Variants in CD163L1 observed in about 807,000 individuals in gnomAD.
CD163L1 encodes the protein CD163 molecule like 1.
CD163L1 carries 124 observed loss-of-function variants against 165.4 expected under a neutral mutation model. The observed-to-expected ratio is 0.75, with a 90% CI of 0.65 to 0.87. The LOEUF (loss-of-function observed/expected upper bound fraction) is 0.87. Ranked by LOEUF, CD163L1 falls within the 40% of genes least tolerant of loss-of-function variation. The pLI, the probability that CD163L1 is intolerant of heterozygous loss-of-function variation, is 0.00. For missense variants in CD163L1, 1,525 were observed against 1,799.9 expected (o/e 0.85, Z 2.76); for synonymous variants, 585 against 662.2 (o/e 0.88, Z 1.79).
At chr12:7,330,733 T>C in the CD163L1 span, among the ~76,000 whole-genome samples, 5 of 152,320 alleles carry the variant, frequency 3.3e-5, no homozygotes, top group East Asian at 5.8e-4. Flanking sequence ...ATAGCAAGAT[T>C]TGAGAGTTGT....
intron 18 of CD163L1, among the ~76,000 whole-genome samples, chr12:7,362,416 T>C (rs1468490885): frequency 7.3e-6 from 1 of 137,536 alleles, no homozygotes; most frequent in African/African-American, 2.7e-5. Flanking sequence ...ATATAGTATG[T>C]TATTTATATC....
chr12:7,386,604 C>CAAAAAAAAAA (rs71067187), intron 8 of CD163L1, among the ~76,000 whole-genome samples: 3 of 117,474 alleles, frequency 2.6e-5, no homozygotes, highest in East Asian at 2.4e-4. Flanking sequence ...GTCAACATAT[C>CAAAAAAAAAA]AAAAAAAAAA....
At chr12:7,414,972 G>C (rs1948208705) in intron 4 of CD163L1, among the ~76,000 whole-genome samples, 1 of 152,016 alleles carries the variant, frequency 6.6e-6, no homozygotes, top group Non-Finnish European at 1.5e-5. Context: ...AATTTCAATT[G>C]AAATAAAAGA....
chr12:7,421,356 T>C (rs1484291587), intron 4 of CD163L1, among the ~76,000 whole-genome samples: 1 of 105,078 alleles, frequency 9.5e-6, no homozygotes, highest in Non-Finnish European at 1.9e-5. Flanking sequence ...TGTATATATA[T>C]GTGTATATAT....
the CD163L1 span, among the ~76,000 whole-genome samples, chr12:7,329,912 C>G: frequency 1.3e-5 from 2 of 152,182 alleles, no homozygotes; most frequent in Non-Finnish European, 2.9e-5. Context: ...TCTGCAGCAG[C>G]TTTCACAAAG....
intron 4 of CD163L1, 151 bp from the exon 5 acceptor site, chr12:7,407,003 T>C: frequency 1.4e-6 from 1 of 732,644 alleles, no homozygotes; most frequent in Admixed American, 2.9e-5. Flanking sequence ...TGTACAAGTT[T>C]AATGTAATAG....
At chr12:7,364,683 T>C (rs1200988877) in intron 18 of CD163L1, among the ~76,000 whole-genome samples, 1 of 151,986 alleles carries the variant, frequency 6.6e-6, no homozygotes, top group Non-Finnish European at 1.5e-5. Context: ...GCAATCCAAT[T>C]TGCAATAGCT....
In CD163L1 at chr12:7,403,786, AT is replaced by A; in HGVS notation, c.1156del (p.Ile386PhefsTer25). ...ACATATTGTCCACCACTGTTCATGA[AT>A]TCTCACCTCTACTCTCCCTGAACAA... Reference protein sequence around the residue: ...NNCSGRVEVRIHEQWWTICDQ... With the variant: ...NNCSGRVEVRXHEQWWTICDQ... On this transcript the variant is annotated frameshift_variant, in exon 6 of 20. Coordinates refer to ENST00000313599, the MANE Select transcript of CD163L1 (RefSeq NM_174941.6). LOFTEE classifies it high-confidence loss of function. The A allele has an allele frequency of 6.2e-7, 1 of 1,613,610 alleles. No individual in the cohort carries two copies. Among genetic ancestry groups the A allele is most frequent in the South Asian group, 1.1e-5 (1 of 91,072 alleles).
chr12:7,411,213 G>A (rs958955285), intron 4 of CD163L1, among the ~76,000 whole-genome samples: 4 of 152,038 alleles, frequency 2.6e-5, no homozygotes, highest in South Asian at 2.1e-4. Flanking sequence ...GATATTGCTC[G>A]TTTCCTTTTT....
chr12:7,386,190 C>T (rs78163868), intron 8 of CD163L1, among the ~76,000 whole-genome samples: 3,779 of 151,936 alleles, frequency 0.025, 92 homozygotes, highest in African/African-American at 0.065. Context: ...ATATGAGCAA[C>T]GATACACTCA....
At chr12:7,438,900 G>C (rs1041076064) in intron 2 of CD163L1, 1 of 1,599,088 alleles carries the variant, frequency 6.3e-7, no homozygotes. Flanking sequence ...CCTCTGTCTT[G>C]ATTCCTCTGC....
intron 4 of CD163L1, among the ~76,000 whole-genome samples, chr12:7,408,898 G>A (rs981808755): frequency 1.3e-5 from 2 of 152,146 alleles, no homozygotes; most frequent in Non-Finnish European, 1.5e-5. Context: ...GATAGCCAAC[G>A]CCCAACATGG....
chr12:7,379,347 A>G (rs370172623), intron 8 of CD163L1, 49 bp from the exon 9 acceptor site: 117 of 1,571,836 alleles, frequency 7.4e-5, no homozygotes, highest in Non-Finnish European at 9.5e-5. Context: ...TATGTGAGAC[A>G]TTAAAGATTC....
chr12:7,374,475 T>G lies in CD163L1; in HGVS notation c.3376A>C (p.Arg1126=), dbSNP rs759237188. Residue 1126 remains arginine (R), a synonymous_variant, in exon 13 of 20, where the codon AGG becomes CGG. Coordinates refer to ENST00000313599, the MANE Select transcript of CD163L1 (RefSeq NM_174941.6). This position sits in a 1 kb window ranked among gnomAD's most constrained non-coding sequence, Gnocchi z 5.4. ...PSRGWGQHDC[R]HKEDAGVICS... is the part of the protein sequence containing the mutation. ...ATGACCCCTGCGTCCTCCTTGTGCC[T>G]GCAGTCGTGCTGCCCCCAGCCGCGG... 6.2e-7 allele frequency: 1 copy of G among 1,614,006 alleles called. No homozygotes were observed. Among genetic ancestry groups the G allele is most frequent in the Non-Finnish European group, 8.5e-7 (1 of 1,179,932 alleles).
chr12:7,437,315 ATTATTT>A (rs201644930), intron 2 of CD163L1, among the ~76,000 whole-genome samples: 1,426 of 105,174 alleles, frequency 0.014, 36 homozygotes, highest in East Asian at 0.095. Flanking sequence ...ATTAATGAAT[ATTATTT>A]TTATTTTTAT....
At position 7,372,290 on chromosome 12, in the gene CD163L1, G is replaced by A. The variant is rs895456024; in HGVS notation, c.3730+1030C>T. ...GATAAGAATGAAAACTAATACATAG[G>A]CTTTCTGCTGGAGCAATTAACTACT... is the stretch of plus-strand genomic sequence containing the variant. On this transcript the variant is annotated intron_variant, in intron 14 of 19. Transcript: ENST00000313599. This position sits in a 1 kb window ranked among gnomAD's most constrained non-coding sequence, Gnocchi z 4.2. Among the ~76,000 whole-genome samples the A allele has an allele frequency of 6.6e-6, 1 of 151,898 alleles. No individual in the cohort carries two copies. Among genetic ancestry groups the A allele is most frequent in the Non-Finnish European group, 1.5e-5 (1 of 67,898 alleles).
At chr12:7,360,650 A>G (rs1016904062) in intron 18 of CD163L1, among the ~76,000 whole-genome samples, 2 of 152,058 alleles carry the variant, frequency 1.3e-5, no homozygotes, top group African/African-American at 2.4e-5. Flanking sequence ...TTGAATTTCC[A>G]TGGGATTGCT....
At chr12:7,421,416 T>TAC (rs1565809762) in intron 4 of CD163L1, among the ~76,000 whole-genome samples, 14 of 106,200 alleles carry the variant, frequency 1.3e-4, no homozygotes, top group East Asian at 8.5e-4. Flanking sequence ...TCCAAATGTA[T>TAC]ATATACATAT....
rs1258546794 is a variant in CD163L1 at position 7,372,219 on chromosome 12, C to G, written c.3730+1101G>C. 6.6e-6 allele frequency among the ~76,000 whole-genome samples: 1 copy of G among 151,954 alleles called. No homozygotes were observed. Among genetic ancestry groups the G allele is most frequent in the African/African-American group, 2.4e-5 (1 of 41,386 alleles). ...TGTATATGTTTCTCTCTGTGTGTAA[C>G]ATTGGTGGGAAGGGTGAAATAAAAT... On this transcript the variant is annotated intron_variant, in intron 14 of 19. Coordinates refer to ENST00000313599, the MANE Select transcript of CD163L1 (RefSeq NM_174941.6). This position sits in a 1 kb window ranked among gnomAD's most constrained non-coding sequence, Gnocchi z 4.2.
Sources: allele counts gnomAD v4.1 joint callset (sites outside exome capture counted in the v4.1 genomes callset), GRCh38; gene constraint gnomAD v4.1.1; non-coding constraint Gnocchi (gnomAD v3.1); transcripts MANE v1.5; gene names NCBI Gene and HGNC (gene_info 2026-07-23, HGNC 2026-07-21).